The following COL22A1 variants were observed in gnomAD, a reference collection of about 807,000 sequenced individuals.
COL22A1 encodes collagen alpha-1(XXII) chain.
In COL22A1, 221 loss-of-function variants were observed where a neutral mutation model predicts 248.9. That is an observed-to-expected ratio of 0.89 (90% CI 0.80 to 0.99). The LOEUF (loss-of-function observed/expected upper bound fraction) is 0.99. COL22A1 is among the 50% of genes least tolerant of loss of function. COL22A1 has a pLI of 0.00. For missense variants in COL22A1, 2,240 were observed against 2,179.0 expected (o/e 1.03, Z -0.56); for synonymous variants, 891 against 793.4 (o/e 1.12, Z -2.07).
chr8:138,796,389 C>CTTTTTTTTTTTTTTTTT lies in COL22A1; in HGVS notation c.1596+413_1596+429dup. ...TTTTTTTCTCTTGCTTGCTACTTTCCTTTTTTTTTTTTTTTTTTTTTTTTT... is the reference window on the plus strand; with the variant it reads ...TTTTTTTCTCTTGCTTGCTACTTTCCTTTTTTTTTTTTTTTTTTTTTTTTTTTTTTTTTTTTTTTTTT... On this transcript the variant is annotated intron_variant, in intron 12 of 64. Coordinates refer to ENST00000303045, the MANE Select transcript of COL22A1 (RefSeq NM_152888.3). Among the ~76,000 whole-genome samples the CTTTTTTTTTTTTTTTTT allele has an allele frequency of 6.1e-4, 16 of 26,318 alleles. 1 individual carries two copies. Among genetic ancestry groups the CTTTTTTTTTTTTTTTTT allele is most frequent in the Non-Finnish European group, 8.4e-4 (10 of 11,876 alleles). 17.3% of individuals were successfully genotyped at this position (26,318 alleles called of 152,430 possible). A position where few individuals can be genotyped will look rare whatever the true frequency, so the allele number is the denominator to read the frequency against.
chr8:138,809,722 G>T (rs1818047076), intron 9 of COL22A1, among the ~76,000 whole-genome samples: 1 of 151,866 alleles, frequency 6.6e-6, no homozygotes, highest in Non-Finnish European at 1.5e-5. Context: ...GTTTCACCAT[G>T]TTGGCCAGGC....
intron 23 of COL22A1, among the ~76,000 whole-genome samples, chr8:138,726,978 A>G (rs956010291): frequency 9.2e-5 from 14 of 152,158 alleles, no homozygotes; most frequent in African/African-American, 3.4e-4. Context: ...TGGGGTTATA[A>G]GCAGGGGCGA....
intron 4 of COL22A1, among the ~76,000 whole-genome samples, chr8:138,834,949 A>T (rs138614897): frequency 0.012 from 1,878 of 152,246 alleles, 33 homozygotes; most frequent in African/African-American, 0.042. Flanking sequence ...GAAATAAGAA[A>T]ATGCACAGTG....
At chr8:138,649,627 TG>T in intron 46 of COL22A1, 37 bp downstream of exon 46, 3 of 1,589,104 alleles carry the variant, frequency 1.9e-6, no homozygotes, top group Non-Finnish European at 2.6e-6. Context: ...ATATTTTCAT[TG>T]TAATGATAAA....
intron 7 of COL22A1, among the ~76,000 whole-genome samples, chr8:138,814,975 G>A (rs191978756): frequency 6.6e-6 from 1 of 152,288 alleles, no homozygotes; most frequent in Non-Finnish European, 1.5e-5. Context: ...GGTGGGGCCA[G>A]GTGGAGATAA....
chr8:138,865,677 G>A (rs998293260), intron 3 of COL22A1, among the ~76,000 whole-genome samples: 3 of 151,288 alleles, frequency 2.0e-5, no homozygotes, highest in African/African-American at 7.3e-5. Flanking sequence ...GTATGCCTGT[G>A]AGTGTATGTG....
chr8:138,904,792 T>G (rs912691568), intron 1 of COL22A1, among the ~76,000 whole-genome samples: 2 of 152,200 alleles, frequency 1.3e-5, no homozygotes, highest in African/African-American at 4.8e-5. Context: ...ACACTGATTT[T>G]GGAGGTGCCA....
intron 1 of COL22A1, among the ~76,000 whole-genome samples, chr8:138,907,372 G>A (rs765501211): frequency 6.6e-6 from 1 of 152,204 alleles, no homozygotes; most frequent in Non-Finnish European, 1.5e-5. Flanking sequence ...AGCATTTATT[G>A]GTAGGAGAAT....
At chr8:138,715,254 G>A (rs749594825) in intron 30 of COL22A1, among the ~76,000 whole-genome samples, 12 of 152,192 alleles carry the variant, frequency 7.9e-5, no homozygotes, top group South Asian at 2.1e-4. Context: ...TAAATTCTGC[G>A]GAAATGTAAA....
At chr8:138,598,331 A>G (rs1272856971) in intron 61 of COL22A1, among the ~76,000 whole-genome samples, 1 of 152,144 alleles carries the variant, frequency 6.6e-6, no homozygotes, top group Non-Finnish European at 1.5e-5. Flanking sequence ...CCCACAGTGA[A>G]GTTCAGACCC....
chr8:138,751,936 T>C (rs867985774), intron 21 of COL22A1, among the ~76,000 whole-genome samples: 1 of 152,190 alleles, frequency 6.6e-6, no homozygotes, highest in African/African-American at 2.4e-5. Flanking sequence ...CAAAACATGA[T>C]AGTCTGGACA....
At chr8:138,623,260 T>TATA (rs1564109173) in intron 52 of COL22A1, among the ~76,000 whole-genome samples, 25 of 52,498 alleles carry the variant, frequency 4.8e-4, no homozygotes, top group African/African-American at 1.7e-3. Flanking sequence ...ATATATATAT[T>TATA]TATGTGTGTG....
chr8:138,712,326 G>T (rs1829039567), intron 30 of COL22A1, among the ~76,000 whole-genome samples: 1 of 152,178 alleles, frequency 6.6e-6, no homozygotes, highest in Non-Finnish European at 1.5e-5. Context: ...TTTGGGGCAG[G>T]TGTTTATAAA....
chr8:138,815,967 G>T (rs1323803142), intron 7 of COL22A1, among the ~76,000 whole-genome samples: 1 of 152,264 alleles, frequency 6.6e-6, no homozygotes, highest in South Asian at 2.1e-4. Flanking sequence ...CACTGACTTT[G>T]TTCAGCAGAA....
chr8:138,788,186 A>G (rs1356184575), intron 12 of COL22A1, among the ~76,000 whole-genome samples: 1 of 152,164 alleles, frequency 6.6e-6, no homozygotes, highest in Non-Finnish European at 1.5e-5. Context: ...CACCCCAGAC[A>G]TACTAAATCA....
intron 27 of COL22A1, among the ~76,000 whole-genome samples, 169 bp from the exon 28 acceptor site, chr8:138,717,038 T>C (rs891825753): frequency 2.0e-5 from 3 of 152,188 alleles, no homozygotes; most frequent in Non-Finnish European, 4.4e-5. Flanking sequence ...AAGACCAAAG[T>C]GTTTAGCATT....
At chr8:138,787,768 C>T (rs1190425191) in intron 12 of COL22A1, among the ~76,000 whole-genome samples, 1 of 152,106 alleles carries the variant, frequency 6.6e-6, no homozygotes, top group Non-Finnish European at 1.5e-5. Context: ...TCCACCCCTG[C>T]CTCTCCCTCC....
At chr8:138,805,312 G>GGT (rs1267722771) in intron 10 of COL22A1, among the ~76,000 whole-genome samples, 26 of 95,544 alleles carry the variant, frequency 2.7e-4, no homozygotes, top group African/African-American at 1.7e-3. Context: ...GATGGTGTTT[G>GGT]GTGTGTGTGT....
Position 138,618,518 on chromosome 8 carries a change from T to A in COL22A1, c.3825+937A>T, listed in dbSNP as rs1056850390. 2.6e-5 allele frequency among the ~76,000 whole-genome samples: 4 copies of A among 152,154 alleles called. 1 individual carries two copies. Among genetic ancestry groups the A allele is most frequent in the African/African-American group, 9.7e-5 (4 of 41,430 alleles). ...ATTGATCACTAGCTCAGTGTTGCAA[T>A]CCCCATAAGAGGTCGTATTCCTCAT... is the stretch of plus-strand genomic sequence containing the variant. On this transcript the variant is annotated intron_variant, in intron 53 of 64. Coordinates refer to ENST00000303045, the MANE Select transcript of COL22A1 (RefSeq NM_152888.3).
Sources: allele counts gnomAD v4.1 joint callset (sites outside exome capture counted in the v4.1 genomes callset), GRCh38; gene constraint gnomAD v4.1.1; transcripts MANE v1.5; gene names NCBI Gene and HGNC (gene_info 2026-07-23, HGNC 2026-07-21).